Variants in TCIRG1 observed in about 807,000 individuals in gnomAD.
The protein encoded by TCIRG1 is T cell immune regulator 1, ATPase H+ transporting V0 subunit a3.
In TCIRG1, 86 loss-of-function variants were observed where a neutral mutation model predicts 95.5. The observed-to-expected ratio is 0.90, with a 90% CI of 0.76 to 1.08. The LOEUF is 1.08. TCIRG1 is among the 50% of genes least tolerant of loss of function. The pLI is 0.00. For synonymous variants in TCIRG1, 499 were observed against 501.3 expected (o/e 1.00, Z 0.06); for missense variants, 1,069 against 1,140.2 (o/e 0.94, Z 0.90).
rs754235952 is a variant in TCIRG1, at chr11:68,047,927, C to T, written c.1509C>T (p.Asn503=). The T allele has an allele frequency of 1.7e-5, 27 of 1,613,734 alleles. No individual in the cohort carries two copies. Among genetic ancestry groups the T allele is most frequent in the African/African-American group, 9.3e-5 (7 of 74,940 alleles). The part of the protein sequence containing the change: ...AQHTMLTLDP[N]VTGVFLGPYP... ...ACACGATGCTTACCCTGGATCCCAA[C>T]GTCACCGGTGTCTTCCTGGGACCCT... The change falls in exon 13 of 20, where the codon AAC becomes AAT. Residue 503 remains asparagine (N), a synonymous_variant. Coordinates refer to ENST00000265686, the MANE Select transcript of TCIRG1 (RefSeq NM_006019.4).
intron 13 of TCIRG1, chr11:68,048,198 G>A: frequency 3.2e-6 from 2 of 625,546 alleles, no homozygotes; most frequent in Non-Finnish European, 5.8e-6. Flanking sequence ...AGTCTCCTGA[G>A]TGTGCAGAGG....
At position 68,041,804 on chromosome 11, in the gene TCIRG1, C is replaced by T. The variant is rs763667012; in HGVS notation, c.169C>T (p.Arg57Cys). ...FQRRFVVDVRRCEELEKTFTF... is the reference protein window; with the variant it reads ...FQRRFVVDVRCCEELEKTFTF... ...GAGACGCTTTGTGGTTGATGTTCGG[C>T]GCTGTGAGGAGCTGGAGAAGACCTT... is the stretch of plus-strand genomic sequence containing the variant. The change falls in exon 3 of 20, where the codon CGC becomes TGC. Residue 57 changes from arginine to cysteine, a missense_variant. Arg to Cys is a radical substitution (Grantham distance 180). Transcript: ENST00000265686. The T allele has an allele frequency of 5.6e-6, 9 of 1,609,820 alleles. No individual in the cohort carries two copies. Among genetic ancestry groups the T allele is most frequent in the South Asian group, 3.3e-5 (3 of 90,082 alleles).
chr11:68,050,409 C>CT (rs1230962636), intron 18 of TCIRG1, 78 bp from the exon 19 acceptor site: 1 of 1,610,142 alleles, frequency 6.2e-7, no homozygotes, highest in Non-Finnish European at 8.5e-7. Flanking sequence ...GCAGGGAGGG[C>CT]TTCAGGCTGC....
chr11:68,047,825 C>T (rs371898025), intron 12 of TCIRG1, 21 bp downstream of exon 12: 54 of 1,612,240 alleles, frequency 3.3e-5, no homozygotes, highest in East Asian at 1.3e-4. Flanking sequence ...GGCCCCAGCC[C>T]GGCTGGGGGC....
chr11:68,051,942 A>G (rs1354341745), downstream of TCIRG1, among the ~76,000 whole-genome samples: 1 of 152,148 alleles, frequency 6.6e-6, no homozygotes, highest in African/African-American at 2.4e-5. Flanking sequence ...TCCCAGGGAC[A>G]TGACCAGTCA....
chr11:68,050,562 T>G lies in TCIRG1; in HGVS notation c.2312T>G (p.Val771Gly), dbSNP rs1334689643. The G allele has an allele frequency of 1.9e-6, 3 of 1,613,566 alleles. No individual in the cohort carries two copies. The highest frequency in any genetic ancestry group is 2.5e-6 in the Non-Finnish European group (3 of 1,180,034). Reference protein sequence around the residue: ...GLGREVGVAAVVLVPIFAAFA... With the variant: ...GLGREVGVAAGVLVPIFAAFA... ...GGCCGGGAGGTGGGCGTGGCGGCTG[T>G]GGTGCTGGTCCCCATCTTTGCCGCC... Residue 771 changes from valine (V) to glycine (G), a missense_variant, in exon 19 of 20, where the codon GTG (valine) becomes GGG (glycine). By Grantham distance (109) the Val-to-Gly change is moderately radical. Transcript: ENST00000265686.
rs1355986470 is a variant in TCIRG1 at position 68,048,887 on chromosome 11, C to G, written c.1563C>G (p.Ser521Arg). 4 of 1,610,866 alleles carry G rather than the reference C, an allele frequency of 2.5e-6. No individual in the cohort carries two copies. Among genetic ancestry groups the G allele is most frequent in the East Asian group, 2.2e-5 (1 of 44,898 alleles). The change falls in exon 14 of 20, where the codon AGC (serine) becomes AGG (arginine). Residue 521 changes from serine (S) to arginine (R), a missense_variant. Ser to Arg is a moderately radical substitution (Grantham distance 110). Transcript: ENST00000265686. Reference protein sequence around the residue: ...PYPFGIDPIWSLAANHLSFLN... With the variant: ...PYPFGIDPIWRLAANHLSFLN... ...CCCTGCTGCCACCCTAGATTTGGAG[C>G]CTGGCTGCCAACCACTTGAGCTTCC... is the stretch of plus-strand genomic sequence containing the variant.
downstream of TCIRG1, chr11:68,050,955 T>C: frequency 5.1e-6 from 5 of 989,344 alleles, no homozygotes; most frequent in Non-Finnish European, 4.6e-6. Flanking sequence ...GTAGAAGGCA[T>C]GGTGTAGGAT....
chr11:68,041,113 G>T (rs1038125308), intron 1 of TCIRG1, among the ~76,000 whole-genome samples, 155 bp from the exon 2 acceptor site: 1 of 152,192 alleles, frequency 6.6e-6, no homozygotes, highest in African/African-American at 2.4e-5. Context: ...CCTCAGCACC[G>T]CATCAAGCCT....
At chr11:68,049,874 A>G in intron 16 of TCIRG1, 86 bp downstream of exon 16, 2 of 1,556,012 alleles carry the variant, frequency 1.3e-6, no homozygotes, top group Non-Finnish European at 1.7e-6. Context: ...TTCCTGACAG[A>G]CTCCTGAGTG....
In TCIRG1 at chr11:68,042,854, T is replaced by C. The variant is rs567920476; in HGVS notation, c.408T>C (p.His136=). 2 of 1,549,490 alleles carry C rather than the reference T, an allele frequency of 1.3e-6. No individual in the cohort carries two copies. The highest frequency in any genetic ancestry group is 1.7e-4 in the Middle Eastern group (1 of 5,876). ...QLHAAVLRQG[H]EPQLAAAHTD... is the part of the protein sequence containing the mutation. Reference sequence around the variant, plus strand: ...ACGCCGCCGTGCTACGCCAGGGCCATGAACCTCAGGTCAGCTCCCACCCAG... The same window carrying C: ...ACGCCGCCGTGCTACGCCAGGGCCACGAACCTCAGGTCAGCTCCCACCCAG... Residue 136 remains histidine, a synonymous_variant, in exon 4 of 20, where the codon CAT becomes CAC. Coordinates refer to ENST00000265686, the MANE Select transcript of TCIRG1 (RefSeq NM_006019.4).
Position 68,041,464 on chromosome 11 carries a change from C to A in TCIRG1, c.117+76C>A, listed in dbSNP as rs775458381. The A allele has an allele frequency of 9.1e-5, 100 of 1,099,162 alleles. No individual in the cohort carries two copies. In the Middle Eastern group the frequency reaches 1.1e-3, roughly 13 times the overall value. The allele number at this position is 1,099,162 out of a possible 1,614,324, so 68.1% of individuals were successfully genotyped here. ...GGAGGCCGGTCCAGGATGGGGACTG[C>A]CCCCCCTCCGCCATAGGGCCCTGGC... On this transcript the variant is annotated intron_variant, in intron 2 of 19. Transcript: ENST00000265686.
At chr11:68,051,195 A>G (rs1855786387), downstream of TCIRG1, among the ~76,000 whole-genome samples, 1 of 152,126 alleles carries the variant, frequency 6.6e-6, no homozygotes. Flanking sequence ...GAGTGGTGCC[A>G]ATATCCATGC....
rs1241903068 is a variant in TCIRG1, at chr11:68,049,304, G to T, written c.1887+10G>T. 1 of 1,602,364 alleles carries T rather than the reference G, an allele frequency of 6.2e-7. No individual in the cohort carries two copies. The highest frequency in any genetic ancestry group is 1.7e-5 in the Admixed American group (1 of 59,572). ...GCTCTACCCCCGGCAGGTGGGCTGCGGCTGGTGGGGGCCGGGCTCACACGG... is the reference window on the plus strand; with the variant it reads ...GCTCTACCCCCGGCAGGTGGGCTGCTGCTGGTGGGGGCCGGGCTCACACGG... On this transcript the variant is annotated intron_variant, in intron 15 of 19. Transcript: ENST00000265686.
Position 68,042,674 on chromosome 11 carries a change from G to T in TCIRG1, c.228G>T (p.Gly76=). 6.5e-7 allele frequency: 1 copy of T among 1,547,040 alleles called. No individual in the cohort carries two copies. The highest frequency in any genetic ancestry group is 2.0e-5 in the Admixed American group (1 of 50,930). The stretch of plus-strand genomic sequence containing the variant: ...TGCAGGAGGAGGTGCGGCGGGCTGG[G>T]CTGGTCCTGCCCCCGCCAAAGGGGA... ...TFLQEEVRRA[G]LVLPPPKGRL... is the part of the protein sequence containing the mutation. The change falls in exon 4 of 20, where the codon GGG becomes GGT. Residue 76 remains glycine, a synonymous_variant. Coordinates refer to ENST00000265686, the MANE Select transcript of TCIRG1 (RefSeq NM_006019.4).
intron 1 of TCIRG1, 109 bp from the exon 2 acceptor site, chr11:68,041,159 G>A: frequency 1.3e-6 from 1 of 794,390 alleles, no homozygotes; most frequent in East Asian, 2.5e-5. Context: ...TCAGATGGGG[G>A]TGGTAACAGC....
chr11:68,040,768 C>T (rs193227049), intron 1 of TCIRG1, among the ~76,000 whole-genome samples: 68 of 152,340 alleles, frequency 4.5e-4, no homozygotes, highest in Middle Eastern at 3.4e-3. Flanking sequence ...ACAGCCCCCC[C>T]ACAGCAGTGC....
rs193109014 is a variant in TCIRG1 at position 68,045,326 on chromosome 11, G to A, written c.1165+224G>A. 5.6e-4 allele frequency among the ~76,000 whole-genome samples: 86 copies of A among 152,376 alleles called. 1 individual carries two copies. The highest frequency in any genetic ancestry group is 1.9e-3 in the African/African-American group (81 of 41,590). On this transcript the variant is annotated intron_variant, in intron 10 of 19. Coordinates refer to ENST00000265686, the MANE Select transcript of TCIRG1 (RefSeq NM_006019.4). ...CCCTTGTTGAGTTTACAAGGGAGCC[G>A]GCACGGGCTTGTGCAAAGAACAGAG...
Position 68,043,805 on chromosome 11 carries a change from T to G in TCIRG1, c.714-9T>G. 1 of 1,557,910 alleles carries G rather than the reference T, an allele frequency of 6.4e-7. No homozygotes were observed. The highest frequency in any genetic ancestry group is 1.2e-5 in the South Asian group (1 of 84,644). ...TTCTGGCCCCTCACGCAGCGCATCCTCCCTCCAGCTTCCACTGCCACGTCT... is the reference window on the plus strand; with the variant it reads ...TTCTGGCCCCTCACGCAGCGCATCCGCCCTCCAGCTTCCACTGCCACGTCT... On this transcript the variant is annotated splice_polypyrimidine_tract_variant and intron_variant, in intron 7 of 19. Coordinates refer to ENST00000265686, the MANE Select transcript of TCIRG1 (RefSeq NM_006019.4).
Sources: gnomAD v4.1 joint callset for allele counts (sites outside exome capture counted in the v4.1 genomes callset) on GRCh38, gnomAD v4.1.1 for gene constraint, MANE v1.5 for transcripts, NCBI Gene and HGNC (gene_info 2026-07-23, HGNC 2026-07-21) for gene names.